The following CSMD1 variants were observed in gnomAD, a reference collection of about 807,000 sequenced individuals.
CSMD1 encodes the protein CUB and Sushi multiple domains 1, also known as CUB and sushi domain-containing protein 1.
CSMD1 carries 213 observed loss-of-function variants against 417.5 expected under a neutral mutation model. The observed-to-expected ratio is 0.51, with a 90% CI of 0.46 to 0.57. The LOEUF (loss-of-function observed/expected upper bound fraction) is 0.57. Among genes scored for constraint, CSMD1 ranks in the 20% least tolerant of loss-of-function variants. The pLI is 0.00. For synonymous variants in CSMD1, 2,862 were observed against 1,736.8 expected (o/e 1.65, Z -16.11); for missense variants, 6,923 against 4,529.7 (o/e 1.53, Z -15.17).
chr8:2,999,778 C>CA (rs79377130), intron 53 of CSMD1, among the ~76,000 whole-genome samples, 180 bp downstream of exon 53: 35,770 of 151,586 alleles, frequency 0.24, 6,771 homozygotes, highest in African/African-American at 0.53. Flanking sequence ...GGAAGGAGAT[C>CA]AAAAAAGGAA....
chr8:3,830,752 A>G (rs2129087501), intron 5 of CSMD1, among the ~76,000 whole-genome samples: 1 of 152,322 alleles, frequency 6.6e-6, no homozygotes, highest in African/African-American at 2.4e-5. Flanking sequence ...AATTATTCAA[A>G]AGAACTTAAT....
chr8:3,042,264 C>G (rs939568973), intron 50 of CSMD1, among the ~76,000 whole-genome samples: 1 of 152,094 alleles, frequency 6.6e-6, no homozygotes, highest in Non-Finnish European at 1.5e-5. Context: ...ACCCTCCTAT[C>G]TAGCACAGAG....
intron 3 of CSMD1, among the ~76,000 whole-genome samples, chr8:4,334,682 C>T (rs1045594790): frequency 6.6e-6 from 1 of 152,146 alleles, no homozygotes; most frequent in African/African-American, 2.4e-5. Flanking sequence ...TCCTCAAAGC[C>T]TATACTGCCC....
chr8:4,656,911 G>A (rs893861299), intron 1 of CSMD1, among the ~76,000 whole-genome samples: 10 of 152,156 alleles, frequency 6.6e-5, no homozygotes, highest in African/African-American at 1.9e-4. Context: ...CCATCTGGGG[G>A]CGGCCTGAAA....
chr8:4,900,389 C>T (rs767815689), intron 1 of CSMD1, among the ~76,000 whole-genome samples: 4 of 152,158 alleles, frequency 2.6e-5, no homozygotes, highest in African/African-American at 7.2e-5. Context: ...AACCTCCTTC[C>T]GCACGCCTCT....
At chr8:4,667,427 A>T (rs1479320871) in intron 1 of CSMD1, among the ~76,000 whole-genome samples, 1 of 151,796 alleles carries the variant, frequency 6.6e-6, no homozygotes, top group African/African-American at 2.4e-5. Context: ...CATTGAATCC[A>T]GAGAACAATT....
At chr8:4,227,891 T>C (rs1319141333) in intron 3 of CSMD1, among the ~76,000 whole-genome samples, 1,742 of 64,540 alleles carry the variant, frequency 0.027, no homozygotes, top group East Asian at 0.033. Flanking sequence ...AACCCCACAC[T>C]TGGAGACACA....
chr8:3,466,544 G>A (rs181634054), intron 12 of CSMD1, among the ~76,000 whole-genome samples: 2 of 151,334 alleles, frequency 1.3e-5, no homozygotes, highest in East Asian at 1.9e-4. Flanking sequence ...TGTGTATCTG[G>A]GATTACAGGT....
chr8:4,005,491 G>GT (rs1317471476), intron 4 of CSMD1, among the ~76,000 whole-genome samples: 3 of 152,228 alleles, frequency 2.0e-5, no homozygotes, highest in Non-Finnish European at 2.9e-5. Flanking sequence ...ATTATCTCCA[G>GT]TTTCAAATCA....
intron 5 of CSMD1, among the ~76,000 whole-genome samples, chr8:3,796,329 TAGATATAG>T (rs1472470394): frequency 8.3e-6 from 1 of 120,054 alleles, no homozygotes; most frequent in Non-Finnish European, 1.7e-5. Flanking sequence ...CTATCATGTA[TAGATATAG>T]ATATATATCT....
At chr8:3,729,563 A>G (rs1802703530) in intron 6 of CSMD1, among the ~76,000 whole-genome samples, 3 of 152,166 alleles carry the variant, frequency 2.0e-5, no homozygotes, top group African/African-American at 7.2e-5. Context: ...TCCAGAAGGT[A>G]TCGGGTCAGT....
chr8:3,052,088 A>T (rs1465365841), intron 50 of CSMD1, among the ~76,000 whole-genome samples: 1 of 152,218 alleles, frequency 6.6e-6, no homozygotes, highest in African/African-American at 2.4e-5. Flanking sequence ...GATAAATAGG[A>T]AAGATTGTGT....
intron 5 of CSMD1, among the ~76,000 whole-genome samples, chr8:3,881,877 T>C (rs946174663): frequency 1.1e-4 from 17 of 152,148 alleles, no homozygotes; most frequent in African/African-American, 3.6e-4. Flanking sequence ...TCTCCATAAA[T>C]GGGGCTGGGT....
intron 3 of CSMD1, among the ~76,000 whole-genome samples, chr8:4,201,399 G>A (rs1799635875): frequency 6.6e-6 from 1 of 151,812 alleles, no homozygotes; most frequent in African/African-American, 2.4e-5. Context: ...TTAGCCGGGG[G>A]TGGCGCTGGG....
intron 2 of CSMD1, among the ~76,000 whole-genome samples, chr8:4,548,506 T>G (rs1203944741): frequency 6.6e-6 from 1 of 152,126 alleles, no homozygotes; most frequent in Admixed American, 6.6e-5. Context: ...AGAATGAAAA[T>G]GCCATGCAAA....
At chr8:3,607,964 G>C (rs973742965) in intron 8 of CSMD1, among the ~76,000 whole-genome samples, 3 of 152,148 alleles carry the variant, frequency 2.0e-5, no homozygotes, top group African/African-American at 7.2e-5. Flanking sequence ...GAGGTCAGGA[G>C]TTCAAGACCA....
rs1028352640 is a variant in CSMD1 at position 4,772,460 on chromosome 8, G to C, written c.86-134902C>G. 1.8e-4 allele frequency among the ~76,000 whole-genome samples: 27 copies of C among 152,120 alleles called. 1 individual carries two copies. Among genetic ancestry groups the C allele is most frequent in the South Asian group, 6.2e-4 (3 of 4,810 alleles). The stretch of plus-strand genomic sequence containing the variant: ...AGGCCTATAGCTTTAATTATATCAT[G>C]AGCGTCATCCGGTCATGGAGCAAAA... On this transcript the variant is annotated intron_variant, in intron 1 of 69. Coordinates refer to ENST00000635120, the MANE Select transcript of CSMD1 (RefSeq NM_033225.6).
At chr8:3,686,279 G>C (rs576792786) in intron 7 of CSMD1, among the ~76,000 whole-genome samples, 3 of 152,160 alleles carry the variant, frequency 2.0e-5, no homozygotes, top group African/African-American at 4.8e-5. Context: ...AGGAAAGGCA[G>C]TGTCAAGAGA....
chr8:4,405,629 G>C (rs375227520), intron 3 of CSMD1, among the ~76,000 whole-genome samples: 2 of 152,146 alleles, frequency 1.3e-5, no homozygotes, highest in African/African-American at 4.8e-5. Flanking sequence ...AGAAAAACAA[G>C]GTTTTGCTTG....
Sources: allele counts gnomAD v4.1 joint callset (sites outside exome capture counted in the v4.1 genomes callset), GRCh38; gene constraint gnomAD v4.1.1; transcripts MANE v1.5; gene names NCBI Gene and HGNC (gene_info 2026-07-23, HGNC 2026-07-21).